The following SUGCT variants were observed in gnomAD, a reference collection of about 807,000 sequenced individuals.
SUGCT encodes the protein succinyl-CoA:glutarate CoA-transferase.
SUGCT carries 41 observed loss-of-function variants against 55.0 expected under a neutral mutation model. That is an observed-to-expected ratio of 0.74 (90% CI 0.58 to 0.97). SUGCT has a LOEUF of 0.97. SUGCT is among the 50% of genes least tolerant of loss of function. The pLI, the probability that SUGCT is intolerant of heterozygous loss-of-function variation, is 0.00. For missense variants in SUGCT, 568 were observed against 547.8 expected (o/e 1.04, Z -0.37); for synonymous variants, 187 against 200.4 (o/e 0.93, Z 0.56).
At chr7:40,476,268 T>C (rs1222543179) in intron 11 of SUGCT, among the ~76,000 whole-genome samples, 2 of 152,206 alleles carry the variant, frequency 1.3e-5, no homozygotes, top group South Asian at 4.1e-4. Flanking sequence ...TGTCAGGCTC[T>C]GTGTCAAGGC....
the SUGCT span, among the ~76,000 whole-genome samples, chr7:40,875,769 G>C: frequency 6.6e-6 from 1 of 152,176 alleles, no homozygotes; most frequent in Admixed American, 6.5e-5. Flanking sequence ...TCTGTGCCAG[G>C]CTTGGCAGTC....
intron 6 of SUGCT, chr7:40,217,385 AT>A: frequency 1.6e-5 from 7 of 433,586 alleles, no homozygotes; most frequent in East Asian, 1.6e-4. Flanking sequence ...TAATTTTTGT[AT>A]TTTTTTGTAG....
the SUGCT span, among the ~76,000 whole-genome samples, chr7:41,035,443 G>A: frequency 1.3e-5 from 2 of 152,122 alleles, no homozygotes; most frequent in Admixed American, 6.5e-5. Context: ...GGTGCAAAGA[G>A]GGGCTGCGTT....
chr7:40,958,725 T>C, the SUGCT span, among the ~76,000 whole-genome samples: 1 of 152,092 alleles, frequency 6.6e-6, no homozygotes, highest in Non-Finnish European at 1.5e-5. Context: ...GTTGTGATCC[T>C]TTGGAGGAGA....
intron 13 of SUGCT, among the ~76,000 whole-genome samples, chr7:40,779,965 G>A (rs941019103): frequency 7.2e-5 from 11 of 152,124 alleles, no homozygotes; most frequent in Admixed American, 6.5e-5. Flanking sequence ...CAGTGCTGTC[G>A]GCAAACTGTG....
At chr7:40,943,097 G>A in the SUGCT span, among the ~76,000 whole-genome samples, 3 of 151,690 alleles carry the variant, frequency 2.0e-5, no homozygotes, top group Non-Finnish European at 4.4e-5. Context: ...CATTGTTAGA[G>A]AGCTAGTGTG....
intron 12 of SUGCT, among the ~76,000 whole-genome samples, chr7:40,742,224 A>C (rs1787499128): frequency 6.6e-6 from 1 of 152,136 alleles, no homozygotes; most frequent in African/African-American, 2.4e-5. Flanking sequence ...AGAAAATAGG[A>C]AAAAGGCTAT....
At chr7:40,311,218 A>T (rs1442105980) in intron 8 of SUGCT, among the ~76,000 whole-genome samples, 1 of 152,160 alleles carries the variant, frequency 6.6e-6, no homozygotes, top group African/African-American at 2.4e-5. Flanking sequence ...TTCTGTTCTT[A>T]AAATATATCT....
the SUGCT span, among the ~76,000 whole-genome samples, chr7:40,915,261 A>T: frequency 6.6e-6 from 1 of 152,152 alleles, no homozygotes; most frequent in Non-Finnish European, 1.5e-5. Context: ...GACTTCAGGG[A>T]TGGACAGAGC....
At chr7:40,498,980 C>A (rs777082448) in intron 12 of SUGCT, 1 of 419,272 alleles carries the variant, frequency 2.4e-6, no homozygotes, top group Non-Finnish European at 4.8e-6. Flanking sequence ...TTTCATTTTC[C>A]GTAAAAGTTT....
At chr7:40,479,168 TG>T (rs1790879438) in intron 11 of SUGCT, among the ~76,000 whole-genome samples, 1 of 152,156 alleles carries the variant, frequency 6.6e-6, no homozygotes, top group African/African-American at 2.4e-5. Context: ...TCTTGGATTT[TG>T]TTAAGCATGC....
At chr7:40,880,748 T>C in the SUGCT span, among the ~76,000 whole-genome samples, 1 of 152,342 alleles carries the variant, frequency 6.6e-6, no homozygotes, top group African/African-American at 2.4e-5. Context: ...TATGATTCAG[T>C]GACCTATGCT....
chr7:40,691,778 A>G (rs1361019702), intron 12 of SUGCT, among the ~76,000 whole-genome samples: 1 of 152,152 alleles, frequency 6.6e-6, no homozygotes, highest in Admixed American at 6.6e-5. Context: ...TTTTTTATCT[A>G]AAGTTTCAAC....
chr7:40,191,808 G>T (rs1188837176), intron 5 of SUGCT, among the ~76,000 whole-genome samples: 1 of 151,890 alleles, frequency 6.6e-6, no homozygotes, highest in Non-Finnish European at 1.5e-5. Flanking sequence ...TTCTCTTCTG[G>T]CCTTAAGAGT....
intron 9 of SUGCT, among the ~76,000 whole-genome samples, chr7:40,401,780 A>C (rs938846705): frequency 5.9e-5 from 9 of 152,220 alleles, no homozygotes; most frequent in African/African-American, 1.9e-4. Flanking sequence ...GCTATAAATC[A>C]AGACAAGAAA....
chr7:40,569,180 T>G (rs138647019), intron 12 of SUGCT, among the ~76,000 whole-genome samples: 2 of 152,190 alleles, frequency 1.3e-5, no homozygotes, highest in East Asian at 3.9e-4. Context: ...GGGGATGAGA[T>G]ATAGGGGTCA....
chr7:40,376,772 ACTC>A (rs1784569304), intron 9 of SUGCT, among the ~76,000 whole-genome samples: 1 of 149,204 alleles, frequency 6.7e-6, no homozygotes, highest in Non-Finnish European at 1.5e-5. Flanking sequence ...GTTGCATACT[ACTC>A]TATTGAAGTT....
chr7:40,299,970 C>T (rs1268232234), intron 8 of SUGCT, among the ~76,000 whole-genome samples: 1 of 152,112 alleles, frequency 6.6e-6, no homozygotes, highest in East Asian at 1.9e-4. Context: ...ATGTCTAAAA[C>T]TGACTAAACC....
the SUGCT span, among the ~76,000 whole-genome samples, chr7:40,899,951 C>T: frequency 1.1e-4 from 16 of 152,252 alleles, no homozygotes; most frequent in African/African-American, 3.9e-4. Context: ...CCTGGAGTTT[C>T]GCAGGATCTG....
Sources: gnomAD v4.1 joint callset for allele counts (sites outside exome capture counted in the v4.1 genomes callset) on GRCh38, gnomAD v4.1.1 for gene constraint, MANE v1.5 for transcripts, NCBI Gene and HGNC (gene_info 2026-07-23, HGNC 2026-07-21) for gene names.